SRGAP1: variants seen among roughly 807,000 people sequenced by gnomAD.
The protein encoded by SRGAP1 is SLIT-ROBO Rho GTPase activating protein 1, also known as SLIT-ROBO Rho GTPase-activating protein 1.
A neutral mutation model predicts 121.9 loss-of-function variants in SRGAP1; 43 were observed. The observed-to-expected ratio is 0.35, with a 90% CI of 0.28 to 0.46. SRGAP1 has a LOEUF of 0.46. Among genes scored for constraint, SRGAP1 ranks in the 20% least tolerant of loss-of-function variants. SRGAP1 has a pLI of 1.00. For missense variants in SRGAP1, 1,102 were observed against 1,350.9 expected (o/e 0.82, Z 2.89); for synonymous variants, 447 against 485.4 (o/e 0.92, Z 1.04).
chr12:64,141,485 C>T lies in SRGAP1; in HGVS notation c.2881-810C>T, dbSNP rs563556642. Among the ~76,000 whole-genome samples the T allele has an allele frequency of 2.7e-3, 409 of 151,934 alleles. 3 individuals carry two copies. Among genetic ancestry groups the T allele is most frequent in the South Asian group, 0.015 (70 of 4,796 alleles). The stretch of plus-strand genomic sequence containing the variant: ...ATCCCAGCTACTTGGGAGGCTGAGG[C>T]AGGAGAATTGTTTGAACCCGGGAGG... On this transcript the variant is annotated intron_variant, in intron 21 of 21. Coordinates refer to ENST00000355086, the MANE Select transcript of SRGAP1 (RefSeq NM_020762.4).
At chr12:63,986,427 ATT>A (rs112213433) in intron 2 of SRGAP1, among the ~76,000 whole-genome samples, 4 of 144,840 alleles carry the variant, frequency 2.8e-5, no homozygotes, top group Non-Finnish European at 3.1e-5. Flanking sequence ...CTATTCAGTA[ATT>A]TTTTTTTTTT....
At chr12:63,867,295 G>A (rs1899669645) in intron 1 of SRGAP1, among the ~76,000 whole-genome samples, 1 of 152,290 alleles carries the variant, frequency 6.6e-6, no homozygotes, top group Non-Finnish European at 1.5e-5. Flanking sequence ...GAGTAGTGCT[G>A]GTCTGCACCA....
intron 8 of SRGAP1, among the ~76,000 whole-genome samples, chr12:64,078,537 G>A (rs2035778657): frequency 6.6e-6 from 1 of 152,110 alleles, no homozygotes; most frequent in African/African-American, 2.4e-5. Context: ...CTTTTTCTTG[G>A]TCTGATTGTT....
At chr12:64,071,610 C>T (rs1287658731) in intron 8 of SRGAP1, among the ~76,000 whole-genome samples, 1 of 152,164 alleles carries the variant, frequency 6.6e-6, no homozygotes, top group Non-Finnish European at 1.5e-5. Flanking sequence ...CAGGTCCACC[C>T]TCATGGGTCA....
chr12:63,959,699 T>A (rs2032582489), intron 1 of SRGAP1, among the ~76,000 whole-genome samples: 1 of 122,788 alleles, frequency 8.1e-6, no homozygotes, highest in Non-Finnish European at 1.8e-5. Flanking sequence ...TTACGTTTAT[T>A]GAAGATCTAC....
chr12:64,018,783 A>G (rs910910836), intron 4 of SRGAP1, among the ~76,000 whole-genome samples: 1 of 152,194 alleles, frequency 6.6e-6, no homozygotes, highest in Non-Finnish European at 1.5e-5. Flanking sequence ...TTTATGTGAT[A>G]AAGGCCAATT....
chr12:63,954,688 A>AAAAAAAAAAG (rs57230527), intron 1 of SRGAP1, among the ~76,000 whole-genome samples: 16 of 130,284 alleles, frequency 1.2e-4, no homozygotes, highest in South Asian at 2.5e-4. Context: ...AAAAAAAAAA[A>AAAAAAAAAAG]AAAAGAAAAG....
chr12:63,857,999 A>G (rs1039104959), intron 1 of SRGAP1, among the ~76,000 whole-genome samples: 1 of 152,146 alleles, frequency 6.6e-6, no homozygotes, highest in Non-Finnish European at 1.5e-5. Context: ...AATCTTTTGT[A>G]TTCTTTGCTT....
At chr12:64,028,080 A>G (rs2034693315) in intron 4 of SRGAP1, among the ~76,000 whole-genome samples, 1 of 152,248 alleles carries the variant, frequency 6.6e-6, no homozygotes, top group Admixed American at 6.5e-5. Flanking sequence ...AAATTCTAGT[A>G]AATTTGGTGG....
At chr12:64,092,636 T>C (rs1426417282) in intron 12 of SRGAP1, among the ~76,000 whole-genome samples, 5 of 152,292 alleles carry the variant, frequency 3.3e-5, no homozygotes, top group Admixed American at 2.6e-4. Flanking sequence ...AAGAACCTTA[T>C]TGGCTCTAAT....
chr12:64,072,122 G>C (rs1422257231), intron 8 of SRGAP1, among the ~76,000 whole-genome samples: 3 of 104,294 alleles, frequency 2.9e-5, no homozygotes, highest in Non-Finnish European at 4.3e-5. Flanking sequence ...GTGTGTGTGT[G>C]TGTGTGTGTG....
chr12:64,019,799 G>A (rs1438988982), intron 4 of SRGAP1, among the ~76,000 whole-genome samples: 1 of 152,152 alleles, frequency 6.6e-6, no homozygotes, highest in East Asian at 1.9e-4. Flanking sequence ...TGGCATTTTG[G>A]TCATGAACAA....
intron 1 of SRGAP1, chr12:63,879,621 T>G (rs1409596600): frequency 6.6e-6 from 1 of 152,154 alleles, no homozygotes; most frequent in African/African-American, 2.4e-5. Flanking sequence ...CCAGTACTGA[T>G]CCATGAGCCA....
chr12:63,951,901 A>G (rs1380455103), intron 1 of SRGAP1, among the ~76,000 whole-genome samples: 1 of 152,160 alleles, frequency 6.6e-6, no homozygotes, highest in Non-Finnish European at 1.5e-5. Context: ...GAAGGAATAT[A>G]CTTTTATTCA....
At chr12:63,877,572 A>G (rs1294175986) in intron 1 of SRGAP1, among the ~76,000 whole-genome samples, 1 of 152,254 alleles carries the variant, frequency 6.6e-6, no homozygotes, top group South Asian at 2.1e-4. Context: ...TTGTTTTCAA[A>G]TGTTATAGTA....
At chr12:64,062,881 T>C in intron 6 of SRGAP1, 36 bp from the exon 7 acceptor site, 1 of 1,545,292 alleles carries the variant, frequency 6.5e-7, no homozygotes, top group Non-Finnish European at 8.9e-7. Context: ...CAATTTTGCA[T>C]TCATTTTTGT....
intron 21 of SRGAP1, among the ~76,000 whole-genome samples, chr12:64,136,696 A>C (rs1592354879): frequency 6.6e-6 from 1 of 152,216 alleles, no homozygotes; most frequent in Non-Finnish European, 1.5e-5. Context: ...AGTGTACAGC[A>C]ACTTCTCAGC....
Position 64,008,356 on chromosome 12 carries a change from A to T in SRGAP1, c.427-8594A>T, listed in dbSNP as rs1367674096. On this transcript the variant is annotated intron_variant, in intron 3 of 21. Transcript: ENST00000355086. ...TCTTTGTCAAAAAGATACTTACTCCATAAGAATGTTTTTCTTTTTCTATTT... is the reference window on the plus strand; with the variant it reads ...TCTTTGTCAAAAAGATACTTACTCCTTAAGAATGTTTTTCTTTTTCTATTT... 3.8e-5 allele frequency among the ~76,000 whole-genome samples: 5 copies of T among 130,752 alleles called. No individual in the cohort carries two copies. In the East Asian group the frequency reaches 1.0e-3, roughly 26 times the overall value. The allele number at this position is 130,752 out of a possible 152,430, so 85.8% of individuals were successfully genotyped here.
intron 1 of SRGAP1, among the ~76,000 whole-genome samples, chr12:63,869,428 T>A (rs544238515): frequency 6.6e-6 from 1 of 152,254 alleles, no homozygotes; most frequent in African/African-American, 2.4e-5. Flanking sequence ...CAGCACATGC[T>A]TTTTGGGGGA....
Sources: gnomAD v4.1 joint callset for allele counts (sites outside exome capture counted in the v4.1 genomes callset) on GRCh38, gnomAD v4.1.1 for gene constraint, MANE v1.5 for transcripts, NCBI Gene and HGNC (gene_info 2026-07-23, HGNC 2026-07-21) for gene names.